Variants in TLCD4 observed in about 807,000 individuals in gnomAD.
TLCD4 encodes TLC domain containing 4, also known as TLC domain-containing protein 4.
In TLCD4, 7 loss-of-function variants were observed where a neutral mutation model predicts 24.2. The observed-to-expected ratio is 0.29, with a 90% CI of 0.16 to 0.54. The LOEUF is 0.54. TLCD4 is among the 20% of genes least tolerant of loss of function. The pLI, the probability that TLCD4 is intolerant of heterozygous loss-of-function variation, is 0.95. For missense variants in TLCD4, 259 were observed against 313.9 expected, an observed-to-expected ratio of 0.82 and a Z score of 1.32; for synonymous variants, 103 against 106.4, an observed-to-expected ratio of 0.97 and a Z score of 0.20.
the TLCD4 span, among the ~76,000 whole-genome samples, chr1:95,111,660 G>T: frequency 1.8e-3 from 269 of 152,342 alleles, no homozygotes; most frequent in African/African-American, 6.2e-3. Flanking sequence ...TAACCTCAGT[G>T]CTTGGAGGAA....
chr1:95,182,471 AT>A (rs1678680180), intron 6 of TLCD4, among the ~76,000 whole-genome samples: 1 of 152,146 alleles, frequency 6.6e-6, no homozygotes, highest in Non-Finnish European at 1.5e-5. Context: ...ATAATAAATA[AT>A]TCTTACTGCT....
chr1:95,161,881 T>A (rs1451255908), intron 5 of TLCD4, among the ~76,000 whole-genome samples: 1 of 152,218 alleles, frequency 6.6e-6, no homozygotes, highest in Non-Finnish European at 1.5e-5. Flanking sequence ...TTGTTATAAT[T>A]TCTGTTCTTT....
chr1:95,097,624 G>A, the TLCD4 span, among the ~76,000 whole-genome samples: 1 of 152,238 alleles, frequency 6.6e-6, no homozygotes, highest in African/African-American at 2.4e-5. Context: ...TAAGAGGTGT[G>A]TGTGAGGTTG....
Position 95,164,111 on chromosome 1 carries a change from G to GAGGC in TLCD4, c.400-9696_400-9693dup, listed in dbSNP as rs1038610304. On this transcript the variant is annotated intron_variant, in intron 5 of 6. Transcript: ENST00000370203. ...CCTGCCCCCAGAGGTGGAGTCTACA[G>GAGGC]AGGCAGGCAGGCCTCCTTGAGCTGT... 3 of 152,386 alleles carry GAGGC rather than the reference G, an allele frequency of 2.0e-5. No homozygotes were observed. The East Asian group carries it at 5.8e-4, about 29-fold the overall frequency. The allele number at this position is 152,386 out of a possible 1,614,324, so 9.4% of individuals were successfully genotyped here. A position where few individuals can be genotyped will look rare whatever the true frequency, so the allele number is the denominator to read the frequency against.
At chr1:95,136,303 CACTT>C (rs2100924330) in intron 1 of TLCD4, among the ~76,000 whole-genome samples, 1 of 152,038 alleles carries the variant, frequency 6.6e-6, no homozygotes, top group Non-Finnish European at 1.5e-5. Context: ...TGATTTGTGT[CACTT>C]ACAATGCTAA....
At chr1:95,173,392 C>G (rs1678299016) in intron 5 of TLCD4, among the ~76,000 whole-genome samples, 1 of 151,916 alleles carries the variant, frequency 6.6e-6, no homozygotes, top group African/African-American at 2.4e-5. Flanking sequence ...TCACTGCAAG[C>G]TCCGCCTCCC....
intron 2 of TLCD4, 51 bp downstream of exon 2, chr1:95,144,107 A>C: frequency 7.7e-7 from 1 of 1,303,130 alleles, no homozygotes; most frequent in Non-Finnish European, 9.8e-7. Flanking sequence ...TTATGAGATA[A>C]AATTATTTAA....
intron 1 of TLCD4, among the ~76,000 whole-genome samples, chr1:95,135,833 C>T (rs1677026904): frequency 6.6e-6 from 1 of 152,134 alleles, no homozygotes; most frequent in South Asian, 2.1e-4. Flanking sequence ...GATTCTCCCA[C>T]CTCAGCCTCC....
At position 95,144,001 on chromosome 1, in the gene TLCD4, G is replaced by A. The variant is rs770073267; in HGVS notation, c.100G>A (p.Val34Ile). Residue 34 changes from valine (V) to isoleucine (I), a missense_variant, in exon 2 of 7, where the codon GTT (valine) becomes ATT (isoleucine). Physicochemically the swap from Val to Ile is conservative, Grantham distance 29 (BLOSUM62 3). Coordinates refer to ENST00000370203, the MANE Select transcript of TLCD4 (RefSeq NM_152487.3). ...TGTAAGTTACTGGTTTTCAGCAAAAGTTTCTCCAGGTTTCAATAGTCTCAG... is the reference window on the plus strand; with the variant it reads ...TGTAAGTTACTGGTTTTCAGCAAAAATTTCTCCAGGTTTCAATAGTCTCAG... ...YFVSYWFSAK[V>I]SPGFNSLSFK... 13 of 1,570,636 alleles carry A rather than the reference G, an allele frequency of 8.3e-6. No homozygotes were observed. The highest frequency in any genetic ancestry group is 1.0e-5 in the Non-Finnish European group (12 of 1,159,440).
chr1:95,112,112 A>G, the TLCD4 span, among the ~76,000 whole-genome samples: 1 of 152,124 alleles, frequency 6.6e-6, no homozygotes, highest in Admixed American at 6.5e-5. Flanking sequence ...AGCAGCATCC[A>G]TGGCTTCTAC....
intron 6 of TLCD4, among the ~76,000 whole-genome samples, chr1:95,182,970 G>T (rs963668732): frequency 1.2e-4 from 18 of 152,168 alleles, no homozygotes; most frequent in African/African-American, 4.3e-4. Context: ...TAGGGGTAGG[G>T]TGGATAGATG....
At chr1:95,136,999 GTACA>G (rs1212590286) in intron 1 of TLCD4, among the ~76,000 whole-genome samples, 1 of 152,122 alleles carries the variant, frequency 6.6e-6, no homozygotes, top group Non-Finnish European at 1.5e-5. Context: ...TTCAGGGCTG[GTACA>G]TGGCGGGTGG....
chr1:95,118,207 G>A (rs181355340), intron 1 of TLCD4: 1 of 152,208 alleles, frequency 6.6e-6, no homozygotes, highest in Non-Finnish European at 1.5e-5. Context: ...AGTGGGAAGG[G>A]ACCAGGCGTA....
chr1:95,183,069 A>C (rs1678703794), intron 6 of TLCD4, among the ~76,000 whole-genome samples: 2 of 152,196 alleles, frequency 1.3e-5, no homozygotes, highest in South Asian at 2.1e-4. Context: ...TGGAAAGAGC[A>C]CTGAGTGGTT....
intron 6 of TLCD4, among the ~76,000 whole-genome samples, chr1:95,189,366 CTGTT>C (rs971990982): frequency 6.6e-6 from 1 of 152,168 alleles, no homozygotes; most frequent in Non-Finnish European, 1.5e-5. Context: ...TCTTTTGTCA[CTGTT>C]TGCATTGCAT....
intron 2 of TLCD4, among the ~76,000 whole-genome samples, chr1:95,145,180 A>C (rs1041380707): frequency 1.3e-5 from 2 of 152,152 alleles, no homozygotes; most frequent in African/African-American, 4.8e-5. Flanking sequence ...TGTTGTTGCT[A>C]TTTAGTTGAA....
chr1:95,188,426 A>G (rs1678908949), intron 6 of TLCD4, among the ~76,000 whole-genome samples: 1 of 151,550 alleles, frequency 6.6e-6, no homozygotes, highest in African/African-American at 2.4e-5. Flanking sequence ...AGTGGGAAAC[A>G]GTTCAATACA....
In TLCD4 at chr1:95,193,296, A is replaced by G. The variant is rs1557702076; in HGVS notation, c.*1428A>G. 6.6e-6 allele frequency: 1 copy of G among 152,160 alleles called. No individual in the cohort carries two copies. The highest frequency in any genetic ancestry group is 1.5e-5 in the Non-Finnish European group (1 of 67,984). 9.4% of individuals were successfully genotyped at this position (152,160 alleles called of 1,614,324 possible). On this transcript the variant is annotated 3_prime_UTR_variant, in exon 7 of 7. Transcript: ENST00000370203. ...ATCAAAATTATTGTCTGATTATATG[A>G]AGATAAATGACTGGCGACTCTGGTT...
chr1:95,121,300 T>G (rs1239042124), intron 1 of TLCD4: 1 of 151,988 alleles, frequency 6.6e-6, no homozygotes, highest in Non-Finnish European at 1.5e-5. Flanking sequence ...CATGGCCGGA[T>G]AGGGAGCAGA....
Sources: gnomAD v4.1 joint callset for allele counts (sites outside exome capture counted in the v4.1 genomes callset) on GRCh38, gnomAD v4.1.1 for gene constraint, MANE v1.5 for transcripts, NCBI Gene and HGNC (gene_info 2026-07-23, HGNC 2026-07-21) for gene names.